The following CLEC2L variants were observed in gnomAD, a reference collection of about 807,000 sequenced individuals.
CLEC2L encodes C-type lectin domain family 2, member L.
In CLEC2L, 14 loss-of-function variants were observed where a neutral mutation model predicts 23.6. The ratio of observed to expected loss-of-function variants is 0.59; its 90% CI spans 0.39 to 0.93. The LOEUF is 0.93. Ranked by LOEUF, CLEC2L falls within the 40% of genes least tolerant of loss-of-function variation. CLEC2L has a pLI of 0.00. For synonymous variants in CLEC2L, 114 were observed against 121.3 expected, an observed-to-expected ratio of 0.94 and a Z score of 0.40; for missense variants, 264 against 282.4, an observed-to-expected ratio of 0.93 and a Z score of 0.47.
Position 139,540,304 on chromosome 7 carries a change from T to C in CLEC2L, c.266-17T>C, listed in dbSNP as rs377065860. The C allele has an allele frequency of 1.3e-4, 201 of 1,595,490 alleles. No individual in the cohort carries two copies. The highest frequency in any genetic ancestry group is 1.1e-3 in the South Asian group (95 of 88,360). On this transcript the variant is annotated splice_polypyrimidine_tract_variant and intron_variant, in intron 2 of 4. Transcript: ENST00000422142. This position sits in a 1 kb window ranked among gnomAD's most constrained non-coding sequence, Gnocchi z 5.8. ...GCTGGGGGGGCGGGCAGGGCCGAGC[T>C]GGTCTCTTCCCTGCAGCTTCCAAGG...
Position 139,540,292 on chromosome 7 carries a change from G to GGGTGGGGGGGGGGCC in CLEC2L, c.266-29_266-28insGGTGGGGGGGGGGCC. The stretch of plus-strand genomic sequence containing the variant: ...AGTGGGACTCGGGCTGGGGGGGCGG[G>GGGTGGGGGGGGGGCC]CAGGGCCGAGCTGGTCTCTTCCCTG... On this transcript the variant is annotated intron_variant, in intron 2 of 4. Coordinates refer to ENST00000422142, the MANE Select transcript of CLEC2L (RefSeq NM_001080511.4). This position sits in a 1 kb window ranked among gnomAD's most constrained non-coding sequence, Gnocchi z 5.8. The GGGTGGGGGGGGGGCC allele has an allele frequency of 1.1e-6, 1 of 928,810 alleles. No individual in the cohort carries two copies. The highest frequency in any genetic ancestry group is 1.6e-6 in the Non-Finnish European group (1 of 628,488). 57.5% of individuals were successfully genotyped at this position (928,810 alleles called of 1,614,324 possible).
chr7:139,542,422 C>T (rs939126525), intron 4 of CLEC2L, among the ~76,000 whole-genome samples: 1 of 152,212 alleles, frequency 6.6e-6, no homozygotes, highest in Non-Finnish European at 1.5e-5. Context: ...CGCTTGTCGG[C>T]TCCACTCAGT....
intron 1 of CLEC2L, among the ~76,000 whole-genome samples, chr7:139,528,923 A>G (rs1797541733): frequency 6.6e-6 from 1 of 152,214 alleles, no homozygotes; most frequent in Non-Finnish European, 1.5e-5. Context: ...TGCTGCAGAT[A>G]CATGTACCGA....
chr7:139,523,926 G>A lies in CLEC2L; in HGVS notation c.-2G>A. On this transcript the variant is annotated 5_prime_UTR_variant, in exon 1 of 5. Coordinates refer to ENST00000422142, the MANE Select transcript of CLEC2L (RefSeq NM_001080511.4). This position sits in a 1 kb window ranked among gnomAD's most constrained non-coding sequence, Gnocchi z 4.1. ...CGGGCGCGGCGCGGCGGAGCGCCCC[G>A]CATGGAGCCGGCCCGGGAGCCCCCC... The A allele has an allele frequency of 2.0e-6, 2 of 976,014 alleles. No homozygotes were observed. Among genetic ancestry groups the A allele is most frequent in the Non-Finnish European group, 2.4e-6 (2 of 825,150 alleles). 60.5% of individuals were successfully genotyped at this position (976,014 alleles called of 1,614,324 possible).
chr7:139,542,133 C>T lies in CLEC2L; in HGVS notation c.533+12C>T. On this transcript the variant is annotated intron_variant, in intron 4 of 4. Coordinates refer to ENST00000422142, the MANE Select transcript of CLEC2L (RefSeq NM_001080511.4). ...TTTGATCCGGACACGTGAGCTGAGG[C>T]TTCATCTTCTGGCTACCGAGCTTAG... 1 of 1,584,450 alleles carries T rather than the reference C, an allele frequency of 6.3e-7. No individual in the cohort carries two copies. The highest frequency in any genetic ancestry group is 1.1e-5 in the South Asian group (1 of 87,948).
chr7:139,535,666 C>A lies in CLEC2L; in HGVS notation c.191-608C>A, dbSNP rs180969027. On this transcript the variant is annotated intron_variant, in intron 1 of 4. Coordinates refer to ENST00000422142, the MANE Select transcript of CLEC2L (RefSeq NM_001080511.4). Reference sequence around the variant, plus strand: ...TACATGAAAATAACAAAGAGAGAACCCAGAGGATCAGGAAGAGGATGGATG... The same window carrying A: ...TACATGAAAATAACAAAGAGAGAACACAGAGGATCAGGAAGAGGATGGATG... Among the ~76,000 whole-genome samples the A allele has an allele frequency of 4.5e-4, 68 of 151,698 alleles. 1 individual carries two copies. The highest frequency in any genetic ancestry group is 1.5e-3 in the African/African-American group (60 of 41,336).
chr7:139,541,521 C>T (rs947195389), intron 3 of CLEC2L, among the ~76,000 whole-genome samples: 2 of 152,162 alleles, frequency 1.3e-5, no homozygotes, highest in Non-Finnish European at 2.9e-5. Flanking sequence ...GTGGTATTAA[C>T]CAAAATAGAA....
At chr7:139,536,029 G>T (rs1365457453) in intron 1 of CLEC2L, among the ~76,000 whole-genome samples, 1 of 152,222 alleles carries the variant, frequency 6.6e-6, no homozygotes, top group Non-Finnish European at 1.5e-5. Flanking sequence ...TGTTGGCCAG[G>T]TATGGTAGCT....
chr7:139,528,192 C>T (rs1203988860), intron 1 of CLEC2L, among the ~76,000 whole-genome samples: 1 of 152,122 alleles, frequency 6.6e-6, no homozygotes, highest in South Asian at 2.1e-4. Flanking sequence ...ACCTCTGGTA[C>T]CTCTGAATGT....
At chr7:139,543,471 G>C (rs1348721347) in intron 4 of CLEC2L, among the ~76,000 whole-genome samples, 1 of 152,180 alleles carries the variant, frequency 6.6e-6, no homozygotes, top group African/African-American at 2.4e-5. Context: ...CTCCTTCTTG[G>C]GGTCCTTCCA....
chr7:139,523,899 C>A lies in CLEC2L; in HGVS notation c.-29C>A, dbSNP rs973670693. ...TGGGCCCCGCACCCCGGTGCAGGAGCGCGGGCGCGGCGCGGCGGAGCGCCC... is the reference window on the plus strand; with the variant it reads ...TGGGCCCCGCACCCCGGTGCAGGAGAGCGGGCGCGGCGCGGCGGAGCGCCC... On this transcript the variant is annotated 5_prime_UTR_variant, in exon 1 of 5. Coordinates refer to ENST00000422142, the MANE Select transcript of CLEC2L (RefSeq NM_001080511.4). This position sits in a 1 kb window ranked among gnomAD's most constrained non-coding sequence, Gnocchi z 4.1. 1.0e-4 allele frequency: 99 copies of A among 978,110 alleles called. No homozygotes were observed. The highest frequency in any genetic ancestry group is 1.1e-4 in the Non-Finnish European group (93 of 826,594). 60.6% of individuals were successfully genotyped at this position (978,110 alleles called of 1,614,324 possible). A position where few individuals can be genotyped will look rare whatever the true frequency, so the allele number is the denominator to read the frequency against.
chr7:139,525,742 T>G (rs1797497546), intron 1 of CLEC2L, among the ~76,000 whole-genome samples: 2 of 152,184 alleles, frequency 1.3e-5, no homozygotes, highest in East Asian at 3.9e-4. Flanking sequence ...TCTGGGCTGC[T>G]GTGGCCCTTT....
In CLEC2L at chr7:139,524,053, G is replaced by C; in HGVS notation, c.126G>C (p.Glu42Asp). 1 of 1,218,282 alleles carries C rather than the reference G, an allele frequency of 8.2e-7. No homozygotes were observed. The highest frequency in any genetic ancestry group is 1.6e-5 in the African/African-American group (1 of 63,790). 75.5% of individuals were successfully genotyped at this position (1,218,282 alleles called of 1,614,324 possible). A position where few individuals can be genotyped will look rare whatever the true frequency, so the allele number is the denominator to read the frequency against. ...SPAEAEARGPEGLLRRSGSGY... is the reference protein window; with the variant it reads ...SPAEAEARGPDGLLRRSGSGY... Reference sequence around the variant, plus strand: ...CAGAGGCTGAGGCCCGCGGCCCCGAGGGGCTGCTGCGGCGATCCGGGTCGG... The same window carrying C: ...CAGAGGCTGAGGCCCGCGGCCCCGACGGGCTGCTGCGGCGATCCGGGTCGG... Residue 42 changes from glutamate (E) to aspartate (D), a missense_variant, in exon 1 of 5, where the codon GAG becomes GAC. Transcript: ENST00000422142.
chr7:139,537,091 CTG>C (rs1483168560), intron 2 of CLEC2L, among the ~76,000 whole-genome samples: 2 of 149,954 alleles, frequency 1.3e-5, no homozygotes, highest in African/African-American at 4.9e-5. Flanking sequence ...GAATATGACA[CTG>C]TCTCCTCTGT....
chr7:139,536,775 GACCAGCCTGGC>G (rs1797663969), intron 2 of CLEC2L, among the ~76,000 whole-genome samples: 1 of 151,936 alleles, frequency 6.6e-6, no homozygotes, highest in Admixed American at 6.6e-5. Context: ...AGGAGTTTGA[GACCAGCCTGGC>G]CAACATGGTG....
intron 1 of CLEC2L, among the ~76,000 whole-genome samples, 175 bp downstream of exon 1, chr7:139,524,292 G>C (rs1032305449): frequency 2.0e-5 from 3 of 152,070 alleles, no homozygotes; most frequent in Non-Finnish European, 4.4e-5. Flanking sequence ...CGGTTCGTGG[G>C]GTGGGGTGGG....
intron 1 of CLEC2L, among the ~76,000 whole-genome samples, chr7:139,526,839 CACTTGG>C (rs1797513714): frequency 6.6e-6 from 1 of 152,232 alleles, no homozygotes; most frequent in Admixed American, 6.5e-5. Flanking sequence ...CTAACTGCAA[CACTTGG>C]ACTTCTGGTC....
At chr7:139,541,901 C>T in intron 3 of CLEC2L, 120 bp from the exon 4 acceptor site, 1 of 693,322 alleles carries the variant, frequency 1.4e-6, no homozygotes, top group Non-Finnish European at 2.5e-6. Flanking sequence ...ACAACAGTCA[C>T]TCTCCTGGCG....
intron 1 of CLEC2L, among the ~76,000 whole-genome samples, chr7:139,524,330 A>G (rs928259536): frequency 8.5e-5 from 13 of 152,182 alleles, no homozygotes; most frequent in African/African-American, 2.9e-4. Context: ...CGCGAGTCAC[A>G]GCCTCGACCC....
Sources: gnomAD v4.1 joint callset for allele counts (sites outside exome capture counted in the v4.1 genomes callset) on GRCh38, gnomAD v4.1.1 for gene constraint, Gnocchi (gnomAD v3.1) non-coding constraint, MANE v1.5 for transcripts, NCBI Gene and HGNC (gene_info 2026-07-23, HGNC 2026-07-21) for gene names.